Variants in NPAS3 observed in about 807,000 individuals in gnomAD.
NPAS3 encodes neuronal PAS domain protein 3, also known as neuronal PAS domain-containing protein 3.
In NPAS3, 14 loss-of-function variants were observed where a neutral mutation model predicts 73.1. The ratio of observed to expected loss-of-function variants is 0.19; its 90% CI spans 0.13 to 0.30. The LOEUF (loss-of-function observed/expected upper bound fraction) is 0.30. Among genes scored for constraint, NPAS3 ranks in the 10% least tolerant of loss-of-function variants. NPAS3 has a pLI of 1.00. For missense variants in NPAS3, 1,096 were observed against 1,250.0 expected (o/e 0.88, Z 1.86); for synonymous variants, 620 against 541.5 (o/e 1.14, Z -2.01).
rs1359790956 is a variant in NPAS3, at chr14:33,347,786, T to C, written c.386-19400T>C. Among the ~76,000 whole-genome samples the C allele has an allele frequency of 5.9e-5, 9 of 152,234 alleles. No homozygotes were observed. The East Asian group carries it at 7.7e-4, about 13-fold the overall frequency. ...CTTATAACACCCAATACAATATAAA[T>C]TACATGTAAATAGTTGTTACATTGT... On this transcript the variant is annotated intron_variant, in intron 3 of 11. Transcript: ENST00000356141.
chr14:33,246,555 A>AG lies in NPAS3; in HGVS notation c.385+31129_385+31130insG, dbSNP rs61291737. On this transcript the variant is annotated intron_variant, in intron 3 of 11. Transcript: ENST00000356141. Reference sequence around the variant, plus strand: ...TTCATCTCAAAAAAAAAAAAAAAAAAAAGAAGAACTAAGTGCTCACTTGTT... The same window carrying AG: ...TTCATCTCAAAAAAAAAAAAAAAAAAGAAGAAGAACTAAGTGCTCACTTGTT... 6.4e-3 allele frequency among the ~76,000 whole-genome samples: 935 copies of AG among 146,290 alleles called. 6 individuals carry two copies. Among genetic ancestry groups the AG allele is most frequent in the African/African-American group, 0.023 (880 of 38,022 alleles).
upstream of NPAS3, among the ~76,000 whole-genome samples, chr14:32,936,611 C>G (rs985526700): frequency 6.6e-6 from 1 of 152,076 alleles, no homozygotes; most frequent in Non-Finnish European, 1.5e-5. Context: ...AGTAGGGAGT[C>G]AAGGGTCAGA....
intron 4 of NPAS3, among the ~76,000 whole-genome samples, chr14:33,483,021 T>A (rs2051403565): frequency 6.6e-6 from 1 of 152,184 alleles, no homozygotes; most frequent in Admixed American, 6.5e-5. Context: ...GTGTTTGTTT[T>A]GTGATCCAGG....
intron 4 of NPAS3, among the ~76,000 whole-genome samples, chr14:33,433,826 C>T (rs536750387): frequency 5.9e-5 from 9 of 152,294 alleles, no homozygotes; most frequent in South Asian, 2.1e-4. Flanking sequence ...ATGAAAGTTT[C>T]GGTCACTGTA....
At chr14:33,522,090 TA>T (rs1211353190) in intron 4 of NPAS3, among the ~76,000 whole-genome samples, 1 of 152,196 alleles carries the variant, frequency 6.6e-6, no homozygotes, top group Non-Finnish European at 1.5e-5. Flanking sequence ...TAGAAGCCTT[TA>T]AAAACACACA....
rs575938874 is a variant in NPAS3, at chr14:33,254,227, T to C, written c.385+38801T>C. On this transcript the variant is annotated intron_variant, in intron 3 of 11. Coordinates refer to ENST00000356141, the Ensembl canonical transcript of NPAS3. ...GTGGCCTTCTATAACCTAGAATTTATCTGTTTTCCCAGCCCCATCTGTTAG... is the reference window on the plus strand; with the variant it reads ...GTGGCCTTCTATAACCTAGAATTTACCTGTTTTCCCAGCCCCATCTGTTAG... Among the ~76,000 whole-genome samples the C allele has an allele frequency of 2.0e-5, 3 of 152,214 alleles. No individual in the cohort carries two copies. The South Asian group carries it at 6.2e-4, about 32-fold the overall frequency.
intron 4 of NPAS3, among the ~76,000 whole-genome samples, chr14:33,554,637 G>A (rs1469031801): frequency 6.6e-6 from 1 of 152,096 alleles, no homozygotes; most frequent in Non-Finnish European, 1.5e-5. Context: ...AGAGTTTGGG[G>A]GTGATTTTTC....
chr14:33,520,661 A>G (rs2053516061), intron 4 of NPAS3, among the ~76,000 whole-genome samples: 1 of 152,118 alleles, frequency 6.6e-6, no homozygotes, highest in Non-Finnish European at 1.5e-5. Context: ...TATTTTCAGG[A>G]ATAAAAACAA....
At chr14:33,209,445 C>T (rs899777808) in intron 2 of NPAS3, among the ~76,000 whole-genome samples, 1 of 152,144 alleles carries the variant, frequency 6.6e-6, no homozygotes, top group African/African-American at 2.4e-5. Flanking sequence ...GAAGGCTCCT[C>T]ATTCGGCTCA....
chr14:33,093,562 G>A (rs984230345), intron 2 of NPAS3, among the ~76,000 whole-genome samples: 3 of 152,116 alleles, frequency 2.0e-5, no homozygotes, highest in East Asian at 1.9e-4. Context: ...ACAGTGCGGC[G>A]ATTCCTCAGG....
intron 2 of NPAS3, among the ~76,000 whole-genome samples, chr14:33,124,956 A>T (rs1566586052): frequency 6.6e-6 from 1 of 152,160 alleles, no homozygotes; most frequent in Non-Finnish European, 1.5e-5. Context: ...TTCAAAGTAC[A>T]TTTGGAATAG....
At chr14:33,246,764 G>T (rs1043566540) in intron 3 of NPAS3, among the ~76,000 whole-genome samples, 13 of 147,564 alleles carry the variant, frequency 8.8e-5, no homozygotes, top group Admixed American at 5.6e-4. Context: ...AGCCCAAGGC[G>T]GGTGGATCAC....
At chr14:32,938,503 G>A (rs1203763169), upstream of NPAS3, among the ~76,000 whole-genome samples, 1 of 112,978 alleles carries the variant, frequency 8.9e-6, no homozygotes, top group African/African-American at 3.8e-5. Context: ...GAGAGAGAGA[G>A]AGAGAGAGAG....
chr14:33,532,650 A>G (rs2054095687), intron 4 of NPAS3, among the ~76,000 whole-genome samples: 1 of 152,146 alleles, frequency 6.6e-6, no homozygotes. Context: ...GAAATCTAAG[A>G]TGAATGAAGT....
At chr14:33,361,097 G>A (rs939613852) in intron 3 of NPAS3, among the ~76,000 whole-genome samples, 2 of 152,144 alleles carry the variant, frequency 1.3e-5, no homozygotes, top group African/African-American at 4.8e-5. Flanking sequence ...TTGGAGAAAG[G>A]CCATTTCCTC....
At chr14:33,539,120 T>C (rs1366929532) in intron 4 of NPAS3, among the ~76,000 whole-genome samples, 1 of 151,784 alleles carries the variant, frequency 6.6e-6, no homozygotes, top group Non-Finnish European at 1.5e-5. Flanking sequence ...AGAAGAAGAT[T>C]GTGTAGGGGA....
At chr14:33,065,405 T>G (rs2041243984) in intron 2 of NPAS3, among the ~76,000 whole-genome samples, 1 of 152,178 alleles carries the variant, frequency 6.6e-6, no homozygotes, top group Admixed American at 6.5e-5. Context: ...TCCTCTAGGT[T>G]GCTTAAAAAT....
chr14:33,145,201 G>A (rs990845934), intron 2 of NPAS3, among the ~76,000 whole-genome samples: 9 of 152,282 alleles, frequency 5.9e-5, no homozygotes, highest in Middle Eastern at 3.4e-3. Flanking sequence ...CCCAGAGTAT[G>A]TATATATGAA....
chr14:33,742,191 T>C (rs2061672413), intron 7 of NPAS3, among the ~76,000 whole-genome samples: 1 of 152,190 alleles, frequency 6.6e-6, no homozygotes, highest in Non-Finnish European at 1.5e-5. Flanking sequence ...GGCTTTGCAC[T>C]CTTTAACATG....
Sources: allele counts gnomAD v4.1 joint callset (sites outside exome capture counted in the v4.1 genomes callset), GRCh38; gene constraint gnomAD v4.1.1; transcripts MANE v1.5; gene names NCBI Gene and HGNC (gene_info 2026-07-23, HGNC 2026-07-21).